The following LYPD6 variants were observed in gnomAD, a reference collection of about 807,000 sequenced individuals.
LYPD6 encodes the protein ly6/PLAUR domain-containing protein 6.
In LYPD6, 15 loss-of-function variants were observed where a neutral mutation model predicts 22.7. The observed-to-expected ratio is 0.66, with a 90% CI of 0.44 to 1.02. LYPD6 has a LOEUF of 1.02. LYPD6 is among the 50% of genes least tolerant of loss of function. The pLI is 0.00. For synonymous variants in LYPD6, 72 were observed against 77.5 expected, an observed-to-expected ratio of 0.93 and a Z score of 0.37; for missense variants, 189 against 208.4, an observed-to-expected ratio of 0.91 and a Z score of 0.57.
At chr2:149,444,430 A>ACC (rs1246291835) in intron 2 of LYPD6, among the ~76,000 whole-genome samples, 1 of 152,162 alleles carries the variant, frequency 6.6e-6, no homozygotes, top group Non-Finnish European at 1.5e-5. Flanking sequence ...AATGAAGTTT[A>ACC]CCATATGAGC....
rs1441448719 is a variant in LYPD6, at chr2:149,470,889, G to A, written c.*39G>A. On this transcript the variant is annotated 3_prime_UTR_variant, in exon 5 of 5. Coordinates refer to ENST00000334166, the MANE Select transcript of LYPD6 (RefSeq NM_194317.5). ...CCATGTGTTAATAGCGATCCATGGG[G>A]ATCTCGATGGTCCACAGACCTGCAT... 3 of 1,572,072 alleles carry A rather than the reference G, an allele frequency of 1.9e-6. No homozygotes were observed. In the South Asian group the frequency reaches 3.4e-5, roughly 18 times the overall value.
intron 1 of LYPD6, among the ~76,000 whole-genome samples, chr2:149,401,603 A>G (rs922247011): frequency 6.6e-6 from 1 of 152,146 alleles, no homozygotes; most frequent in Admixed American, 6.5e-5. Context: ...ATCTGGTGGA[A>G]ATCTCTACTT....
chr2:149,472,684 A>G lies in LYPD6; in HGVS notation c.*1834A>G, dbSNP rs1476965558. 6.6e-6 allele frequency: 1 copy of G among 152,658 alleles called. No individual in the cohort carries two copies. The highest frequency in any genetic ancestry group is 1.9e-4 in the East Asian group (1 of 5,198). 9.5% of individuals were successfully genotyped at this position (152,658 alleles called of 1,614,324 possible). On this transcript the variant is annotated 3_prime_UTR_variant, in exon 5 of 5. Coordinates refer to ENST00000334166, the MANE Select transcript of LYPD6 (RefSeq NM_194317.5). ...AAGCACCTCGTATGTGCCAGGCACTATGCTAAGCACTTTACATAAGTTAGG... is the reference window on the plus strand; with the variant it reads ...AAGCACCTCGTATGTGCCAGGCACTGTGCTAAGCACTTTACATAAGTTAGG...
At chr2:149,352,789 A>G (rs565914713) in intron 1 of LYPD6, among the ~76,000 whole-genome samples, 1 of 152,334 alleles carries the variant, frequency 6.6e-6, no homozygotes, top group South Asian at 2.1e-4. Context: ...TGGGCCCTAC[A>G]TAGGATTGGA....
chr2:149,430,804 G>A (rs1683296529), intron 1 of LYPD6, among the ~76,000 whole-genome samples: 2 of 152,144 alleles, frequency 1.3e-5, no homozygotes, highest in African/African-American at 4.8e-5. Context: ...ACCAGTTTAA[G>A]TGGAAGTATC....
At chr2:149,458,323 C>G (rs188754111) in intron 3 of LYPD6, among the ~76,000 whole-genome samples, 1 of 152,218 alleles carries the variant, frequency 6.6e-6, no homozygotes, top group East Asian at 1.9e-4. Context: ...CTCTACTTTC[C>G]CCTGACCAAG....
At chr2:149,423,680 C>G (rs1053281083) in intron 1 of LYPD6, among the ~76,000 whole-genome samples, 1 of 148,584 alleles carries the variant, frequency 6.7e-6, no homozygotes, top group African/African-American at 2.5e-5. Flanking sequence ...AAATAACACA[C>G]TTTGAATAGG....
chr2:149,443,297 T>C (rs1221251763), intron 2 of LYPD6, among the ~76,000 whole-genome samples: 1 of 152,226 alleles, frequency 6.6e-6, no homozygotes, highest in East Asian at 1.9e-4. Context: ...ATCTCTTTGA[T>C]GGGAAAGTTT....
intron 1 of LYPD6, among the ~76,000 whole-genome samples, chr2:149,427,996 T>C (rs1175208931): frequency 6.6e-6 from 1 of 152,252 alleles, no homozygotes; most frequent in African/African-American, 2.4e-5. Flanking sequence ...AAATGAACTT[T>C]TTTAAAAAAC....
intron 3 of LYPD6, among the ~76,000 whole-genome samples, chr2:149,460,214 A>G (rs1457418096): frequency 1.3e-5 from 2 of 152,208 alleles, no homozygotes; most frequent in Non-Finnish European, 2.9e-5. Context: ...TGGCATAAAT[A>G]TACAAAATAA....
intron 3 of LYPD6, among the ~76,000 whole-genome samples, chr2:149,451,984 G>T (rs1680835349): frequency 6.6e-6 from 1 of 152,330 alleles, no homozygotes; most frequent in East Asian, 1.9e-4. Context: ...TTTACAGGAA[G>T]AAGAGCTACT....
chr2:149,477,585 TG>T (rs1354658465), downstream of LYPD6, among the ~76,000 whole-genome samples: 2 of 127,258 alleles, frequency 1.6e-5, no homozygotes, highest in Admixed American at 2.0e-4. Context: ...ATTGTGCCAC[TG>T]CACTCCAGCC....
intron 1 of LYPD6, among the ~76,000 whole-genome samples, chr2:149,401,568 C>CT (rs1682556383): frequency 6.6e-6 from 1 of 152,156 alleles, no homozygotes; most frequent in African/African-American, 2.4e-5. Flanking sequence ...TATTCCCTGT[C>CT]TTTTTCCACA....
intron 3 of LYPD6, among the ~76,000 whole-genome samples, chr2:149,459,620 G>A (rs920710300): frequency 4.6e-5 from 7 of 151,992 alleles, no homozygotes; most frequent in Non-Finnish European, 1.0e-4. Context: ...ATTATATTAC[G>A]GCCAGGCACA....
At position 149,424,870 on chromosome 2, in the gene LYPD6, C is replaced by T. The variant is rs147780492; in HGVS notation, c.-71-12768C>T. On this transcript the variant is annotated intron_variant, in intron 1 of 4. Transcript: ENST00000334166. ...GATGCTTCTCATTGCTGCTGGAGCT[C>T]CCACTTTACTTCCTCCCCAAAGGTT... Among the ~76,000 whole-genome samples, 1,198 of 152,220 alleles carry T rather than the reference C, an allele frequency of 7.9e-3. 14 individuals are homozygous for T. Among genetic ancestry groups the T allele is most frequent in the African/African-American group, 0.026 (1,084 of 41,530 alleles).
rs1420394162 is a variant in LYPD6 at position 149,437,746 on chromosome 2, T to C, written c.38T>C (p.Leu13Pro). Residue 13 changes from leucine (L) to proline (P), a missense_variant, in exon 2 of 5, where the codon CTG (leucine) becomes CCG (proline). Physicochemically the swap from Leu to Pro is moderately conservative, Grantham distance 98. Transcript: ENST00000334166. ...PGPALAWLLL[L>P]SLLADCLKAA... ...CCTGCTCTGGCCTGGCTCCTGCTCC[T>C]GAGCCTGCTGGCGGATTGTCTGAAA... The C allele has an allele frequency of 1.2e-6, 2 of 1,614,078 alleles. No homozygotes were observed. Among genetic ancestry groups the C allele is most frequent in the South Asian group, 1.1e-5 (1 of 91,088 alleles).
At chr2:149,362,925 A>T (rs762987212) in intron 1 of LYPD6, among the ~76,000 whole-genome samples, 1 of 152,152 alleles carries the variant, frequency 6.6e-6, no homozygotes, top group African/African-American at 2.4e-5. Flanking sequence ...AGCGACAAGG[A>T]TGTTCCTTTT....
Position 149,468,688 on chromosome 2 carries a change from A to G in LYPD6, c.261A>G (p.Gly87=). The change falls in exon 4 of 5, where the codon GGA becomes GGG. Residue 87 remains glycine (G), a synonymous_variant. Coordinates refer to ENST00000334166, the MANE Select transcript of LYPD6 (RefSeq NM_194317.5). ...CTCAGCACACAATGGAAGTCACAGG[A>G]AACAGTATCTCAGTCACCAAACGCT... is the stretch of plus-strand genomic sequence containing the variant. ...CYTQHTMEVT[G]NSISVTKRCV... is the part of the protein sequence containing the mutation. 6.2e-7 allele frequency: 1 copy of G among 1,613,678 alleles called. No individual in the cohort carries two copies. The highest frequency in any genetic ancestry group is 8.5e-7 in the Non-Finnish European group (1 of 1,179,676).
chr2:149,406,872 A>G (rs1682724896), intron 1 of LYPD6, among the ~76,000 whole-genome samples: 2 of 145,070 alleles, frequency 1.4e-5, no homozygotes, highest in South Asian at 2.2e-4. Flanking sequence ...GGCTGGTATC[A>G]GTTGTTCCTT....
Sources: gnomAD v4.1 joint callset for allele counts (sites outside exome capture counted in the v4.1 genomes callset) on GRCh38, gnomAD v4.1.1 for gene constraint, MANE v1.5 for transcripts, NCBI Gene and HGNC (gene_info 2026-07-23, HGNC 2026-07-21) for gene names.